SRPK2: variants seen among roughly 807,000 people sequenced by gnomAD.
SRPK2 encodes SFRS protein kinase 2.
In SRPK2, 21 loss-of-function variants were observed where a neutral mutation model predicts 90.8. The ratio of observed to expected loss-of-function variants is 0.23; its 90% CI spans 0.16 to 0.33. SRPK2 has a LOEUF of 0.33. SRPK2 is among the 10% of genes least tolerant of loss of function. The pLI is 1.00. For missense variants in SRPK2, 620 were observed against 869.0 expected, an observed-to-expected ratio of 0.71 and a Z score of 3.60; for synonymous variants, 288 against 311.1, an observed-to-expected ratio of 0.93 and a Z score of 0.78.
intron 2 of SRPK2, among the ~76,000 whole-genome samples, chr7:105,351,642 A>G (rs1817195212): frequency 6.6e-6 from 1 of 151,914 alleles, no homozygotes; most frequent in Non-Finnish European, 1.5e-5. Flanking sequence ...ATCTCCACTA[A>G]AAATACAAAA....
chr7:105,373,760 C>G (rs959018555), intron 2 of SRPK2, among the ~76,000 whole-genome samples: 1 of 152,058 alleles, frequency 6.6e-6, no homozygotes, highest in African/African-American at 2.4e-5. Flanking sequence ...CATCCTCTTT[C>G]CTGCAGTAAG....
intron 2 of SRPK2, among the ~76,000 whole-genome samples, chr7:105,246,149 T>C (rs1291718876): frequency 6.6e-6 from 1 of 152,218 alleles, no homozygotes; most frequent in African/African-American, 2.4e-5. Flanking sequence ...AAATTTCTTG[T>C]TGCCTTCTAC....
chr7:105,288,540 G>C (rs940713900), intron 2 of SRPK2, among the ~76,000 whole-genome samples: 1 of 152,132 alleles, frequency 6.6e-6, no homozygotes, highest in African/African-American at 2.4e-5. Flanking sequence ...GTTGCAGTGA[G>C]CCAAGAATGC....
At chr7:105,150,295 G>C (rs1311826665) in intron 7 of SRPK2, among the ~76,000 whole-genome samples, 1 of 152,248 alleles carries the variant, frequency 6.6e-6, no homozygotes, top group African/African-American at 2.4e-5. Context: ...GAGGCAGGCA[G>C]ATCACTTGAG....
intron 1 of SRPK2, among the ~76,000 whole-genome samples, chr7:105,396,798 AAG>A (rs749857062): frequency 3.7e-4 from 37 of 99,000 alleles, no homozygotes; most frequent in Admixed American, 5.6e-4. Flanking sequence ...AAGAAAGAGA[AAG>A]AGAAAGAAAG....
Position 105,348,861 on chromosome 7 carries a change from G to A in SRPK2, c.71+39787C>T, listed in dbSNP as rs536151592. Among the ~76,000 whole-genome samples the A allele has an allele frequency of 5.9e-5, 9 of 152,088 alleles. No individual in the cohort carries two copies. In the East Asian group the frequency reaches 1.7e-3, roughly 29 times the overall value. On this transcript the variant is annotated intron_variant, in intron 2 of 15. Transcript: ENST00000393651. ...TAAAAAATAAAAAATGAATATATCA[G>A]AGCAGCCGGGCGCAGTGGCTCACGC...
chr7:105,322,932 C>G (rs777553113), intron 2 of SRPK2, among the ~76,000 whole-genome samples: 3 of 152,150 alleles, frequency 2.0e-5, no homozygotes, highest in Admixed American at 6.6e-5. Context: ...GACACGGTGG[C>G]TCATGCTTGT....
At chr7:105,129,170 G>A (rs1281516539) in intron 13 of SRPK2, among the ~76,000 whole-genome samples, 2 of 152,022 alleles carry the variant, frequency 1.3e-5, no homozygotes, top group South Asian at 2.1e-4. Flanking sequence ...GCCTGACCTC[G>A]TGACCCGCCT....
At chr7:105,170,539 A>G (rs1790679564) in intron 3 of SRPK2, among the ~76,000 whole-genome samples, 1 of 151,664 alleles carries the variant, frequency 6.6e-6, no homozygotes, top group South Asian at 2.1e-4. Context: ...CTAAAAATAC[A>G]AAAAATTAGT....
chr7:105,367,437 ATT>A (rs1466032333), intron 2 of SRPK2, among the ~76,000 whole-genome samples: 1 of 151,810 alleles, frequency 6.6e-6, no homozygotes, highest in Non-Finnish European at 1.5e-5. Flanking sequence ...TAATTTTTGT[ATT>A]TTTTATAGAG....
At chr7:105,194,822 G>A (rs1458309257) in intron 3 of SRPK2, among the ~76,000 whole-genome samples, 1 of 152,132 alleles carries the variant, frequency 6.6e-6, no homozygotes, top group Non-Finnish European at 1.5e-5. Flanking sequence ...GACCTTTAGA[G>A]CAAGCATTGA....
intron 2 of SRPK2, among the ~76,000 whole-genome samples, chr7:105,294,050 A>G (rs1809451052): frequency 6.6e-6 from 1 of 152,288 alleles, no homozygotes; most frequent in Admixed American, 6.5e-5. Flanking sequence ...AACATACAAC[A>G]TAGCCAAATC....
chr7:105,232,717 TA>T (rs34306095), intron 2 of SRPK2, among the ~76,000 whole-genome samples: 122,642 of 150,418 alleles, frequency 0.82, 50,432 homozygotes, highest in Non-Finnish European at 0.87. Context: ...ACAATAATAA[TA>T]AAAAAAAAAA....
chr7:105,331,608 T>C (rs1451546040), intron 2 of SRPK2, among the ~76,000 whole-genome samples: 1 of 152,170 alleles, frequency 6.6e-6, no homozygotes, highest in African/African-American at 2.4e-5. Context: ...TTTAAATACA[T>C]ACGACATTTC....
At chr7:105,166,196 G>A (rs1790037957) in intron 6 of SRPK2, among the ~76,000 whole-genome samples, 1 of 152,162 alleles carries the variant, frequency 6.6e-6, no homozygotes, top group Admixed American at 6.5e-5. Context: ...AGTCTAACAA[G>A]AAACAGAAAA....
rs774639868 is a variant in SRPK2, at chr7:105,146,990, G to C, written c.622-332C>G. Among the ~76,000 whole-genome samples the C allele has an allele frequency of 7.7e-4, 118 of 152,258 alleles. 3 individuals carry two copies. The highest frequency in any genetic ancestry group is 3.4e-3 in the Middle Eastern group (1 of 294). On this transcript the variant is annotated intron_variant, in intron 7 of 15. Coordinates refer to ENST00000393651, the MANE Select transcript of SRPK2 (RefSeq NM_182692.3). ...ACCTCTGCCACTCCTGAGACAGCAA[G>C]ACCAACCCCTCAGCCTACTCAACGC...
chr7:105,180,858 A>G (rs1385181871), intron 3 of SRPK2, among the ~76,000 whole-genome samples: 1 of 152,244 alleles, frequency 6.6e-6, no homozygotes, highest in East Asian at 1.9e-4. Flanking sequence ...GTCAAAAGCA[A>G]TTGCAACAAA....
At chr7:105,306,807 C>G (rs929165893) in intron 2 of SRPK2, among the ~76,000 whole-genome samples, 1 of 152,104 alleles carries the variant, frequency 6.6e-6, no homozygotes, top group Non-Finnish European at 1.5e-5. Context: ...ATTACAAGAA[C>G]ATTTTTGTAG....
At chr7:105,141,609 A>G (rs956840036) in intron 11 of SRPK2, among the ~76,000 whole-genome samples, 2 of 152,224 alleles carry the variant, frequency 1.3e-5, no homozygotes, top group African/African-American at 4.8e-5. Context: ...GTCAAAGAGG[A>G]GGCATAATTT....
Sources: allele counts gnomAD v4.1 joint callset (sites outside exome capture counted in the v4.1 genomes callset), GRCh38; gene constraint gnomAD v4.1.1; transcripts MANE v1.5; gene names NCBI Gene and HGNC (gene_info 2026-07-23, HGNC 2026-07-21).